MACROD2: variants seen among roughly 807,000 people sequenced by gnomAD.
MACROD2 encodes the protein ADP-ribose glycohydrolase MACROD2.
A neutral mutation model predicts 70.4 loss-of-function variants in MACROD2; 36 were observed. The ratio of observed to expected loss-of-function variants is 0.51; its 90% CI spans 0.39 to 0.68. The LOEUF is 0.68. Ranked by LOEUF, MACROD2 falls within the 30% of genes least tolerant of loss-of-function variation. MACROD2 has a pLI of 0.00. For synonymous variants in MACROD2, 172 were observed against 178.8 expected, an observed-to-expected ratio of 0.96 and a Z score of 0.30; for missense variants, 496 against 538.4, an observed-to-expected ratio of 0.92 and a Z score of 0.78.
chr20:14,971,763 G>C (rs1452870424), intron 5 of MACROD2, among the ~76,000 whole-genome samples: 2 of 152,082 alleles, frequency 1.3e-5, no homozygotes, highest in African/African-American at 4.8e-5. Flanking sequence ...GCATGGGGAA[G>C]CTGGCCACCC....
chr20:15,746,577 A>T (rs1600835738), intron 8 of MACROD2, among the ~76,000 whole-genome samples: 2 of 151,486 alleles, frequency 1.3e-5, no homozygotes, highest in Admixed American at 1.3e-4. Context: ...AAAAAAAAAA[A>T]AAAAAGAAAC....
intron 8 of MACROD2, among the ~76,000 whole-genome samples, chr20:15,691,427 T>C (rs2050297835): frequency 6.6e-6 from 1 of 152,230 alleles, no homozygotes; most frequent in African/African-American, 2.4e-5. Flanking sequence ...TTTTAGGCAT[T>C]GGGCTACATC....
intron 5 of MACROD2, among the ~76,000 whole-genome samples, chr20:15,100,064 A>T (rs2075860525): frequency 6.6e-6 from 1 of 152,118 alleles, no homozygotes. Context: ...TAGAACTTGC[A>T]AGTGATGACA....
Position 14,571,669 on chromosome 20 carries a change from T to C in MACROD2, c.301+78161T>C, listed in dbSNP as rs77048525. 2.2e-4 allele frequency among the ~76,000 whole-genome samples: 34 copies of C among 152,186 alleles called. No homozygotes were observed. The East Asian group carries it at 5.6e-3, about 25-fold the overall frequency. ...ATTTTTAATATTCCACTTATCAGAA[T>C]TGGAATATAGATAAGTATTTGCCTG... On this transcript the variant is annotated intron_variant, in intron 4 of 17. Coordinates refer to ENST00000684519, the MANE Select transcript of MACROD2 (RefSeq NM_001351661.2).
intron 7 of MACROD2, among the ~76,000 whole-genome samples, chr20:15,452,429 A>G (rs1402705279): frequency 6.6e-6 from 1 of 152,214 alleles, no homozygotes; most frequent in Non-Finnish European, 1.5e-5. Flanking sequence ...GCCTGCCAGT[A>G]GAATATAAGA....
rs560649636 is a variant in MACROD2, at chr20:15,777,326, A to C, written c.646-85419A>C. Among the ~76,000 whole-genome samples, 135 of 152,220 alleles carry C rather than the reference A, an allele frequency of 8.9e-4. 1 individual carries two copies. The highest frequency in any genetic ancestry group is 3.1e-3 in the African/African-American group (128 of 41,574). ...GTTTAGTTTTATATAATGAGGTTCC[A>C]TATAAGATTATACTTAAAGAGAAAG... On this transcript the variant is annotated intron_variant, in intron 8 of 17. Coordinates refer to ENST00000684519, the MANE Select transcript of MACROD2 (RefSeq NM_001351661.2).
intron 4 of MACROD2, among the ~76,000 whole-genome samples, chr20:14,559,133 G>A (rs2024921): frequency 0.98 from 148,481 of 151,766 alleles, 72,720 homozygotes; most frequent in East Asian, 1. Context: ...AGCAGAAGCA[G>A]AGTTCAGTAT....
At chr20:15,208,516 CT>C (rs1056971851) in intron 5 of MACROD2, among the ~76,000 whole-genome samples, 1 of 152,082 alleles carries the variant, frequency 6.6e-6, no homozygotes, top group Non-Finnish European at 1.5e-5. Context: ...GACTCTGGAT[CT>C]TTTTAAAATC....
intron 3 of MACROD2, among the ~76,000 whole-genome samples, chr20:14,181,263 T>C (rs1323965930): frequency 6.6e-6 from 1 of 151,858 alleles, no homozygotes; most frequent in Non-Finnish European, 1.5e-5. Flanking sequence ...AAATGGGATC[T>C]CATTATGTTG....
rs755239011 is a variant in MACROD2 at position 14,327,289 on chromosome 20, G to T, written c.272-166190G>T. On this transcript the variant is annotated intron_variant, in intron 3 of 17. Coordinates refer to ENST00000684519, the MANE Select transcript of MACROD2 (RefSeq NM_001351661.2). Reference sequence around the variant, plus strand: ...GTTTTTCAAATCTGAAGGAATCCCAGCATTATTTATTTGGTTGTTCTGAAG... The same window carrying T: ...GTTTTTCAAATCTGAAGGAATCCCATCATTATTTATTTGGTTGTTCTGAAG... The T allele has an allele frequency of 3.1e-6, 5 of 1,613,738 alleles. No individual in the cohort carries two copies. The highest frequency in any genetic ancestry group is 4.5e-5 in the East Asian group (2 of 44,872).
chr20:16,040,785 G>C (rs2067297314), intron 15 of MACROD2, among the ~76,000 whole-genome samples: 1 of 151,934 alleles, frequency 6.6e-6, no homozygotes, highest in Non-Finnish European at 1.5e-5. Context: ...GAATCTTTCA[G>C]CTTTCAGTCA....
intron 5 of MACROD2, among the ~76,000 whole-genome samples, chr20:15,033,283 T>C (rs2075289143): frequency 6.6e-6 from 1 of 152,158 alleles, no homozygotes; most frequent in Admixed American, 6.5e-5. Context: ...AACAGGTATC[T>C]TAAAATGTTT....
At chr20:15,635,928 C>T (rs1180795508) in intron 8 of MACROD2, among the ~76,000 whole-genome samples, 4 of 151,528 alleles carry the variant, frequency 2.6e-5, no homozygotes, top group Admixed American at 2.0e-4. Flanking sequence ...ATTAGCTGGG[C>T]GTGGTGGTGC....
At chr20:15,860,204 AACAC>A (rs763436472) in intron 8 of MACROD2, among the ~76,000 whole-genome samples, 4 of 152,046 alleles carry the variant, frequency 2.6e-5, no homozygotes, top group Non-Finnish European at 4.4e-5. Flanking sequence ...CCCATACACA[AACAC>A]ACACTCATAC....
At chr20:14,981,371 C>G (rs1020832821) in intron 5 of MACROD2, among the ~76,000 whole-genome samples, 9 of 151,372 alleles carry the variant, frequency 5.9e-5, no homozygotes, top group Non-Finnish European at 1.2e-4. Flanking sequence ...GCTTAAACCT[C>G]ACTCCTTTGG....
At chr20:15,976,997 T>TG (rs1315436111) in intron 13 of MACROD2, among the ~76,000 whole-genome samples, 1 of 152,186 alleles carries the variant, frequency 6.6e-6, no homozygotes, top group Non-Finnish European at 1.5e-5. Context: ...CTCTATTAAA[T>TG]GGGGACCTGC....
intron 9 of MACROD2, among the ~76,000 whole-genome samples, chr20:15,876,409 C>T (rs1431089351): frequency 6.6e-5 from 10 of 151,962 alleles, no homozygotes. Flanking sequence ...TGATGGTTTC[C>T]AGCTTCATCC....
At chr20:14,739,263 C>CTT (rs1374447801) in intron 5 of MACROD2, among the ~76,000 whole-genome samples, 1 of 151,904 alleles carries the variant, frequency 6.6e-6, no homozygotes, top group African/African-American at 2.4e-5. Context: ...AATGAAAAAT[C>CTT]TCTTTAAGTA....
intron 2 of MACROD2, among the ~76,000 whole-genome samples, chr20:14,085,270 A>G (rs921800975): frequency 6.6e-6 from 1 of 152,108 alleles, no homozygotes; most frequent in South Asian, 2.1e-4. Context: ...CTTACCTAAG[A>G]TTAAAGATTA....
Sources: allele counts gnomAD v4.1 joint callset (sites outside exome capture counted in the v4.1 genomes callset), GRCh38; gene constraint gnomAD v4.1.1; transcripts MANE v1.5; gene names NCBI Gene and HGNC (gene_info 2026-07-23, HGNC 2026-07-21).